The following ST3GAL4 variants were observed in gnomAD, a reference collection of about 807,000 sequenced individuals.
The protein encoded by ST3GAL4 is ST3 beta-galactoside alpha-2,3-sialyltransferase 4.
A neutral mutation model predicts 42.6 loss-of-function variants in ST3GAL4; 24 were observed. The ratio of observed to expected loss-of-function variants is 0.56; its 90% CI spans 0.41 to 0.79. ST3GAL4 has a LOEUF of 0.79. ST3GAL4 is among the 30% of genes least tolerant of loss of function. The probability of loss-of-function intolerance (pLI) is 0.00; values close to 1 mark genes in which losing one functional copy is unlikely to be tolerated. For synonymous variants in ST3GAL4, 135 were observed against 163.2 expected (o/e 0.83, Z 1.32); for missense variants, 311 against 430.8 (o/e 0.72, Z 2.46).
chr11:126,400,457 G>A lies in ST3GAL4; in HGVS notation c.-60-5639G>A, dbSNP rs924355114. Among the ~76,000 whole-genome samples the A allele has an allele frequency of 2.6e-5, 4 of 152,204 alleles. No homozygotes were observed. Among genetic ancestry groups the A allele is most frequent in the Admixed American group, 2.6e-4 (4 of 15,286 alleles). ...GGGCAACACATTCAAACCATAGCAGGCACCTTAATAAAGGTGGAAAAGGGA... is the reference window on the plus strand; with the variant it reads ...GGGCAACACATTCAAACCATAGCAGACACCTTAATAAAGGTGGAAAAGGGA... On this transcript the variant is annotated intron_variant, in intron 1 of 10. Transcript: ENST00000444328. This position sits in a 1 kb window ranked among gnomAD's most constrained non-coding sequence, Gnocchi z 4.6.
rs115999479 is a variant in ST3GAL4 at position 126,409,232 on chromosome 11, C to T, written c.628-36C>T. On this transcript the variant is annotated intron_variant, in intron 8 of 10. Coordinates refer to ENST00000444328, the MANE Select transcript of ST3GAL4 (RefSeq NM_001254757.2). The surrounding 1 kb of genome is among the most constrained non-coding windows in gnomAD (Gnocchi z 4.9). Reference sequence around the variant, plus strand: ...TGGATTTGAGAAACAGGGCTTCACCCGCTTCTGTCTCTCTCTTCTGACCCC... The same window carrying T: ...TGGATTTGAGAAACAGGGCTTCACCTGCTTCTGTCTCTCTCTTCTGACCCC... 3,153 of 1,606,510 alleles carry T rather than the reference C, an allele frequency of 2.0e-3. 61 individuals carry two copies. In the African/African-American group the frequency reaches 0.037, roughly 19 times the overall value.
At position 126,366,154 on chromosome 11, in the gene ST3GAL4, A is replaced by G. The variant is rs944578524; in HGVS notation, c.-61+10312A>G. Among the ~76,000 whole-genome samples, 15 of 152,178 alleles carry G rather than the reference A, an allele frequency of 9.9e-5. No individual in the cohort carries two copies. The East Asian group carries it at 2.1e-3, about 22-fold the overall frequency. On this transcript the variant is annotated intron_variant, in intron 1 of 10. Transcript: ENST00000444328. The surrounding 1 kb of genome is among the most constrained non-coding windows in gnomAD (Gnocchi z 4.2). ...TCCGGGCTGCCTGGTGATAGCTCCC[A>G]GGGACCTGCAAGCTGACAAACAAAG...
At chr11:126,361,803 C>T (rs985575658) in intron 1 of ST3GAL4, among the ~76,000 whole-genome samples, 5 of 152,030 alleles carry the variant, frequency 3.3e-5, no homozygotes, top group Admixed American at 6.5e-5. Context: ...GCTCTCAGCC[C>T]TTCCCTCCAT....
rs1258450989 is a variant in ST3GAL4, at chr11:126,408,114, C to A, written c.357C>A (p.Arg119=). 6.2e-7 allele frequency: 1 copy of A among 1,614,032 alleles called. No individual in the cohort carries two copies. The highest frequency in any genetic ancestry group is 2.2e-5 in the East Asian group (1 of 44,866). ...PKNIQSLRCR[R]CVVVGNGHRL... is the part of the protein sequence containing the mutation. Reference sequence around the variant, plus strand: ...TCTATGGCAGCCTCAGGTGCCGCCGCTGTGTGGTCGTGGGGAACGGGCACC... The same window carrying A: ...TCTATGGCAGCCTCAGGTGCCGCCGATGTGTGGTCGTGGGGAACGGGCACC... The change falls in exon 7 of 11, where the codon CGC becomes CGA. Residue 119 remains arginine, a synonymous_variant. Transcript: ENST00000444328.
rs142066828 is a variant in ST3GAL4 at position 126,404,885 on chromosome 11, A to G, written c.-60-1211A>G. Among the ~76,000 whole-genome samples the G allele has an allele frequency of 2.4e-4, 36 of 152,376 alleles. No individual in the cohort carries two copies. In the East Asian group the frequency reaches 6.7e-3, roughly 29 times the overall value. On this transcript the variant is annotated intron_variant, in intron 1 of 10. Coordinates refer to ENST00000444328, the MANE Select transcript of ST3GAL4 (RefSeq NM_001254757.2). ...CAGGACACTGACTCCACCATAGGAC[A>G]GGGCTCAGGATCATTGGTTAATGGT...
rs1202441244 is a variant in ST3GAL4, at chr11:126,386,718, G to A, written c.-60-19378G>A. Among the ~76,000 whole-genome samples the A allele has an allele frequency of 1.3e-5, 2 of 152,154 alleles. No homozygotes were observed. On this transcript the variant is annotated intron_variant, in intron 1 of 10. Transcript: ENST00000444328. The surrounding 1 kb of genome is among the most constrained non-coding windows in gnomAD (Gnocchi z 4.7). ...AATGGCATGGAGAAAGACAAACACC[G>A]GTGGGTGGCTCTGCCAGCTTCCCCT...
chr11:126,357,565 G>A (rs1301684977), intron 1 of ST3GAL4, among the ~76,000 whole-genome samples: 1 of 152,160 alleles, frequency 6.6e-6, no homozygotes, highest in East Asian at 1.9e-4. Flanking sequence ...GGAAGAGAGT[G>A]CCGTGCCCCC....
At chr11:126,402,829 C>T (rs1368596919) in intron 1 of ST3GAL4, among the ~76,000 whole-genome samples, 1 of 152,228 alleles carries the variant, frequency 6.6e-6, no homozygotes, top group Non-Finnish European at 1.5e-5. Flanking sequence ...CTGACCAGCT[C>T]CCTTCGGCCA....
At chr11:126,365,860 C>T (rs1419497880) in intron 1 of ST3GAL4, among the ~76,000 whole-genome samples, 1 of 152,128 alleles carries the variant, frequency 6.6e-6, no homozygotes, top group African/African-American at 2.4e-5. Flanking sequence ...GTGTGGGCGC[C>T]GGGCCAGGAA....
At chr11:126,361,884 C>CTTT (rs112227008) in intron 1 of ST3GAL4, among the ~76,000 whole-genome samples, 9 of 143,162 alleles carry the variant, frequency 6.3e-5, no homozygotes, top group African/African-American at 2.3e-4. Context: ...ATTAACACTT[C>CTTT]TTTTTTTTTT....
Position 126,406,903 on chromosome 11 carries a change from C to T in ST3GAL4, c.102-40C>T, listed in dbSNP as rs374284472. 6.3e-7 allele frequency: 1 copy of T among 1,579,346 alleles called. No individual in the cohort carries two copies. Among genetic ancestry groups the T allele is most frequent in the Non-Finnish European group, 8.7e-7 (1 of 1,149,640 alleles). ...CTGCCTGGAACATGGGTCCCTGGGT[C>T]TGACTGGGGCTTCTGCCTCCTGTCC... is the stretch of plus-strand genomic sequence containing the variant. On this transcript the variant is annotated intron_variant, in intron 3 of 10. Transcript: ENST00000444328. The surrounding 1 kb of genome is among the most constrained non-coding windows in gnomAD (Gnocchi z 5.4).
Position 126,386,817 on chromosome 11 carries a change from G to A in ST3GAL4, c.-60-19279G>A, listed in dbSNP as rs1023683892. 1.2e-4 allele frequency among the ~76,000 whole-genome samples: 19 copies of A among 152,206 alleles called. No individual in the cohort carries two copies. Among genetic ancestry groups the A allele is most frequent in the Non-Finnish European group, 1.3e-4 (9 of 68,036 alleles). ...CTGCGCTGTTTTGACTTGGAGAGGA[G>A]AGGAGGAAGTTAGCTGCTCTGAATG... On this transcript the variant is annotated intron_variant, in intron 1 of 10. Transcript: ENST00000444328. The surrounding 1 kb of genome is among the most constrained non-coding windows in gnomAD (Gnocchi z 4.7).
intron 1 of ST3GAL4, among the ~76,000 whole-genome samples, chr11:126,399,224 C>G (rs1290279580): frequency 6.6e-6 from 1 of 151,712 alleles, no homozygotes. Flanking sequence ...TTCTCTACTA[C>G]AGGGCCGGTC....
intron 1 of ST3GAL4, among the ~76,000 whole-genome samples, chr11:126,380,641 A>G (rs1952960527): frequency 6.6e-6 from 1 of 152,206 alleles, no homozygotes; most frequent in Non-Finnish European, 1.5e-5. Flanking sequence ...GATGAGGGCA[A>G]TGATAGTGCC....
At chr11:126,360,338 G>T (rs1462840079) in intron 1 of ST3GAL4, among the ~76,000 whole-genome samples, 1 of 152,180 alleles carries the variant, frequency 6.6e-6, no homozygotes, top group Non-Finnish European at 1.5e-5. Flanking sequence ...CATGACTGTG[G>T]GTATGCGCCA....
At position 126,409,253 on chromosome 11, in the gene ST3GAL4, A is replaced by T. The variant is rs900463828; in HGVS notation, c.628-15A>T. On this transcript the variant is annotated splice_polypyrimidine_tract_variant and intron_variant, in intron 8 of 10. Transcript: ENST00000444328. This position sits in a 1 kb window ranked among gnomAD's most constrained non-coding sequence, Gnocchi z 4.9. ...CACCCGCTTCTGTCTCTCTCTTCTG[A>T]CCCCATCCTCCTAGGTGCGAAAGGG... The T allele has an allele frequency of 6.2e-7, 1 of 1,613,384 alleles. No individual in the cohort carries two copies. The highest frequency in any genetic ancestry group is 8.5e-7 in the Non-Finnish European group (1 of 1,179,596).
In ST3GAL4 at chr11:126,406,722, G is replaced by T; in HGVS notation, c.101+165G>T. On this transcript the variant is annotated intron_variant, in intron 3 of 10. Coordinates refer to ENST00000444328, the MANE Select transcript of ST3GAL4 (RefSeq NM_001254757.2). This position sits in a 1 kb window ranked among gnomAD's most constrained non-coding sequence, Gnocchi z 5.4. Reference sequence around the variant, plus strand: ...CGGAGTGTTTCCATGAGGGTGGGTGGGGGTAGGGCCTGGGATGTCTCACTG... The same window carrying T: ...CGGAGTGTTTCCATGAGGGTGGGTGTGGGTAGGGCCTGGGATGTCTCACTG... 9.8e-7 allele frequency: 1 copy of T among 1,020,018 alleles called. No individual in the cohort carries two copies. Among genetic ancestry groups the T allele is most frequent in the Non-Finnish European group, 1.4e-6 (1 of 700,174 alleles). The allele number at this position is 1,020,018 out of a possible 1,614,324, so 63.2% of individuals were successfully genotyped here.
Position 126,363,584 on chromosome 11 carries a change from G to A in ST3GAL4, c.-61+7742G>A, listed in dbSNP as rs1952323818. ...ACAGTGCCTGCCCAAAGTATGCAAT[G>A]CTTTTATCTTTAGCTCAGCTCCTGA... On this transcript the variant is annotated intron_variant, in intron 1 of 10. Transcript: ENST00000444328. The surrounding 1 kb of genome is among the most constrained non-coding windows in gnomAD (Gnocchi z 4.6). Among the ~76,000 whole-genome samples, 1 of 152,204 alleles carries A rather than the reference G, an allele frequency of 6.6e-6. No individual in the cohort carries two copies.
chr11:126,404,315 G>A (rs1383419332), intron 1 of ST3GAL4, among the ~76,000 whole-genome samples: 1 of 152,182 alleles, frequency 6.6e-6, no homozygotes, highest in African/African-American at 2.4e-5. Context: ...GAAACTGCAG[G>A]TCAGAGAGGG....
Sources: allele counts gnomAD v4.1 joint callset (sites outside exome capture counted in the v4.1 genomes callset), GRCh38; gene constraint gnomAD v4.1.1; non-coding constraint Gnocchi (gnomAD v3.1); transcripts MANE v1.5; gene names NCBI Gene and HGNC (gene_info 2026-07-23, HGNC 2026-07-21).